DGKB: variants seen among roughly 807,000 people sequenced by gnomAD.
The protein encoded by DGKB is diacylglycerol kinase beta, also known as 90 kDa diacylglycerol kinase.
A neutral mutation model predicts 114.3 loss-of-function variants in DGKB; 67 were observed. That is an observed-to-expected ratio of 0.59 (90% CI 0.48 to 0.72). The LOEUF is 0.72. Among genes scored for constraint, DGKB ranks in the 30% least tolerant of loss-of-function variants. DGKB has a pLI of 0.00. For missense variants in DGKB, 907 were observed against 975.2 expected (o/e 0.93, Z 0.93); for synonymous variants, 398 against 323.1 (o/e 1.23, Z -2.49).
chr7:14,952,843 G>A (rs894878169), intron 1 of DGKB, among the ~76,000 whole-genome samples: 5 of 152,016 alleles, frequency 3.3e-5, no homozygotes, highest in East Asian at 1.9e-4. Context: ...CAGTAATTAA[G>A]AAAGTGGTTC....
At chr7:14,236,368 CAA>C (rs5882436) in intron 23 of DGKB, among the ~76,000 whole-genome samples, 1 of 150,442 alleles carries the variant, frequency 6.6e-6, no homozygotes, top group South Asian at 2.1e-4. Flanking sequence ...TTATTTCTGC[CAA>C]AAAAAAGGAA....
intron 17 of DGKB, among the ~76,000 whole-genome samples, chr7:14,583,463 G>A (rs957095709): frequency 6.6e-5 from 10 of 151,728 alleles, no homozygotes; most frequent in African/African-American, 1.2e-4. Flanking sequence ...TTTGCAGTTC[G>A]CATAACCCAG....
In DGKB at chr7:14,651,026, G is replaced by C. The variant is rs537848110; in HGVS notation, c.1135-20758C>G. Reference sequence around the variant, plus strand: ...ATCAATAGCTTACCAACCAAAAAGAGTCCAGCACCAGATGGATTCACAGCC... The same window carrying C: ...ATCAATAGCTTACCAACCAAAAAGACTCCAGCACCAGATGGATTCACAGCC... On this transcript the variant is annotated intron_variant, in intron 13 of 25. Transcript: ENST00000402815. Among the ~76,000 whole-genome samples the C allele has an allele frequency of 6.6e-5, 10 of 152,216 alleles. No individual in the cohort carries two copies. In the East Asian group the frequency reaches 1.9e-3, roughly 29 times the overall value.
At chr7:14,221,763 T>A (rs1470027440) in intron 23 of DGKB, among the ~76,000 whole-genome samples, 3 of 151,358 alleles carry the variant, frequency 2.0e-5, no homozygotes, top group African/African-American at 7.3e-5. Context: ...ACACATTTGG[T>A]AGAATTTGCC....
intron 5 of DGKB, among the ~76,000 whole-genome samples, chr7:14,725,272 T>C (rs984312915): frequency 6.6e-6 from 1 of 152,196 alleles, no homozygotes; most frequent in Non-Finnish European, 1.5e-5. Flanking sequence ...TATTAATGAA[T>C]TTAAATTTAA....
At chr7:14,641,994 T>C (rs10251445) in intron 13 of DGKB, among the ~76,000 whole-genome samples, 3,343 of 152,158 alleles carry the variant, frequency 0.022, 118 homozygotes, top group African/African-American at 0.077. Flanking sequence ...TTTAGTTTTT[T>C]GTTTGTTTGT....
chr7:14,704,628 C>G (rs552119724), intron 6 of DGKB, among the ~76,000 whole-genome samples: 39 of 151,918 alleles, frequency 2.6e-4, no homozygotes, highest in Non-Finnish European at 4.0e-4. Flanking sequence ...ATCTGAGAAC[C>G]GGCAGACTGC....
intron 21 of DGKB, among the ~76,000 whole-genome samples, chr7:14,443,070 T>C (rs1299324528): frequency 6.6e-6 from 1 of 152,218 alleles, no homozygotes; most frequent in East Asian, 1.9e-4. Context: ...TATAACTGTC[T>C]AGTTTACTGC....
chr7:14,824,314 G>A (rs528830065), intron 2 of DGKB, among the ~76,000 whole-genome samples: 6 of 152,054 alleles, frequency 3.9e-5, no homozygotes, highest in Admixed American at 2.0e-4. Context: ...ACGTTTTCAC[G>A]TTAAAAATAT....
intron 25 of DGKB, among the ~76,000 whole-genome samples, chr7:14,164,327 T>C (rs1784338035): frequency 6.6e-6 from 1 of 152,332 alleles, no homozygotes; most frequent in Admixed American, 6.5e-5. Context: ...TCAGCAAGTG[T>C]TGCTACAATC....
At chr7:14,260,761 C>CATT (rs1337528282) in intron 23 of DGKB, among the ~76,000 whole-genome samples, 2 of 152,120 alleles carry the variant, frequency 1.3e-5, no homozygotes, top group Non-Finnish European at 2.9e-5. Flanking sequence ...ATAATAGTAA[C>CATT]ATTTTATTTT....
chr7:14,469,537 G>T (rs540163758), intron 21 of DGKB, among the ~76,000 whole-genome samples: 1 of 152,088 alleles, frequency 6.6e-6, no homozygotes, highest in East Asian at 1.9e-4. Flanking sequence ...ATTCCAAAGA[G>T]CCATCTTACA....
chr7:14,966,813 CAG>C (rs1401903356), intron 1 of DGKB, among the ~76,000 whole-genome samples: 3 of 151,998 alleles, frequency 2.0e-5, no homozygotes, highest in African/African-American at 7.2e-5. Flanking sequence ...AATTGAGAAT[CAG>C]AGAAGGGGCT....
At chr7:14,783,619 CAA>C (rs1442625519) in intron 2 of DGKB, among the ~76,000 whole-genome samples, 1 of 152,106 alleles carries the variant, frequency 6.6e-6, no homozygotes, top group Non-Finnish European at 1.5e-5. Context: ...TATAAAACTC[CAA>C]TACAAGAATT....
intron 13 of DGKB, among the ~76,000 whole-genome samples, chr7:14,652,372 C>T (rs922218264): frequency 6.6e-6 from 1 of 152,016 alleles, no homozygotes; most frequent in African/African-American, 2.4e-5. Flanking sequence ...CGATCTTTGA[C>T]AAACTTGAGA....
intron 2 of DGKB, among the ~76,000 whole-genome samples, chr7:14,766,263 G>C (rs1159135798): frequency 6.6e-6 from 1 of 151,952 alleles, no homozygotes; most frequent in Non-Finnish European, 1.5e-5. Context: ...AGTGCAAGAA[G>C]ATAGATTACA....
intron 20 of DGKB, among the ~76,000 whole-genome samples, chr7:14,489,435 G>A (rs1342543134): frequency 6.6e-6 from 1 of 152,058 alleles, no homozygotes; most frequent in Admixed American, 6.6e-5. Context: ...ATCTTTCTCA[G>A]TTAAGGCACA....
rs547696777 is a variant in DGKB at position 14,798,201 on chromosome 7, G to A, written c.71-40470C>T. Reference sequence around the variant, plus strand: ...CTCACTCTGGTCTTGGACTCTATCCGGAACTGTCAGTTGTGTTTTCAGGAT... The same window carrying A: ...CTCACTCTGGTCTTGGACTCTATCCAGAACTGTCAGTTGTGTTTTCAGGAT... On this transcript the variant is annotated intron_variant, in intron 2 of 25. Transcript: ENST00000402815. Among the ~76,000 whole-genome samples the A allele has an allele frequency of 1.5e-4, 23 of 152,292 alleles. No individual in the cohort carries two copies. In the South Asian group the frequency reaches 4.6e-3, roughly 30 times the overall value.
chr7:14,760,353 T>C (rs1370729142), intron 2 of DGKB, among the ~76,000 whole-genome samples: 4 of 152,264 alleles, frequency 2.6e-5, no homozygotes, highest in Admixed American at 2.6e-4. Context: ...AGCATTGCAA[T>C]AAATATTGAG....
Sources: gnomAD v4.1 joint callset for allele counts (sites outside exome capture counted in the v4.1 genomes callset) on GRCh38, gnomAD v4.1.1 for gene constraint, MANE v1.5 for transcripts, NCBI Gene and HGNC (gene_info 2026-07-23, HGNC 2026-07-21) for gene names.